The following SEMA6D variants were observed in gnomAD, a reference collection of about 807,000 sequenced individuals.
The protein encoded by SEMA6D is semaphorin 6D.
In SEMA6D, 35 loss-of-function variants were observed where a neutral mutation model predicts 106.6. The observed-to-expected ratio is 0.33, with a 90% confidence interval of 0.25 to 0.44. SEMA6D has a LOEUF of 0.44. SEMA6D is among the 20% of genes least tolerant of loss of function. SEMA6D has a pLI of 1.00. For missense variants in SEMA6D, 1,185 were observed against 1,345.9 expected (o/e 0.88, Z 1.87); for synonymous variants, 499 against 487.7 (o/e 1.02, Z -0.31).
At chr15:47,404,532 G>A (rs1221304091) in intron 1 of SEMA6D, among the ~76,000 whole-genome samples, 1 of 152,098 alleles carries the variant, frequency 6.6e-6, no homozygotes, top group Non-Finnish European at 1.5e-5. Flanking sequence ...CTCTCTCTAA[G>A]ACCTTTAATG....
chr15:47,377,922 G>A (rs1031729655), intron 1 of SEMA6D, among the ~76,000 whole-genome samples: 2 of 152,092 alleles, frequency 1.3e-5, no homozygotes, highest in African/African-American at 4.8e-5. Flanking sequence ...ACTCCTCCAT[G>A]TTTATATTAA....
intron 1 of SEMA6D, among the ~76,000 whole-genome samples, chr15:47,227,425 CTTTCTTTCTTTCT>C (rs1336742649): frequency 1.0e-4 from 11 of 105,188 alleles, no homozygotes; most frequent in African/African-American, 4.4e-4. Context: ...CTTTCTCTTT[CTTTCTTTCTTTCT>C]TTTCTTTCTT....
At chr15:47,370,434 G>A (rs1333307568) in intron 1 of SEMA6D, among the ~76,000 whole-genome samples, 1 of 152,084 alleles carries the variant, frequency 6.6e-6, no homozygotes, top group African/African-American at 2.4e-5. Flanking sequence ...AGGATGGCTT[G>A]AGCGTGGGAG....
intron 1 of SEMA6D, among the ~76,000 whole-genome samples, chr15:47,389,211 C>T (rs1035935416): frequency 6.6e-6 from 1 of 152,134 alleles, no homozygotes; most frequent in African/African-American, 2.4e-5. Context: ...CTTTATAGAA[C>T]TGTTGTGAGA....
In SEMA6D at chr15:47,201,701, C is replaced by T. The variant is rs112275874; in HGVS notation, c.-239+17283C>T. Among the ~76,000 whole-genome samples, 137 of 152,248 alleles carry T rather than the reference C, an allele frequency of 9.0e-4. 1 individual carries two copies. Among genetic ancestry groups the T allele is most frequent in the African/African-American group, 3.1e-3 (127 of 41,546 alleles). On this transcript the variant is annotated intron_variant, in intron 1 of 19. Transcript: ENST00000558014. ...TTTAACCATACCTTTTACTTAATTCCAGAAACTGGCCTTAAGAGATCCAAA... is the reference window on the plus strand; with the variant it reads ...TTTAACCATACCTTTTACTTAATTCTAGAAACTGGCCTTAAGAGATCCAAA...
intron 4 of SEMA6D, among the ~76,000 whole-genome samples, chr15:47,645,072 G>T (rs551525320): frequency 1.3e-5 from 2 of 152,292 alleles, no homozygotes; most frequent in East Asian, 3.9e-4. Context: ...ACATCAGCCT[G>T]TCCAGGAAAG....
chr15:47,668,735 C>G (rs1308542083), intron 4 of SEMA6D, among the ~76,000 whole-genome samples: 2 of 152,140 alleles, frequency 1.3e-5, no homozygotes, highest in African/African-American at 4.8e-5. Flanking sequence ...TCTCCCCATC[C>G]TCCCCCTTGT....
intron 1 of SEMA6D, among the ~76,000 whole-genome samples, chr15:47,220,991 A>G (rs1453339509): frequency 1.3e-5 from 2 of 152,174 alleles, no homozygotes; most frequent in Non-Finnish European, 2.9e-5. Context: ...CCTGCCCTAA[A>G]AAGCCATAGC....
At chr15:47,417,875 G>A (rs2041026858) in intron 2 of SEMA6D, among the ~76,000 whole-genome samples, 1 of 151,410 alleles carries the variant, frequency 6.6e-6, no homozygotes, top group Non-Finnish European at 1.5e-5. Flanking sequence ...TCACCATGTA[G>A]GTATTGCTAG....
intron 3 of SEMA6D, among the ~76,000 whole-genome samples, chr15:47,575,702 G>A (rs1201483527): frequency 6.6e-6 from 1 of 151,662 alleles, no homozygotes; most frequent in Non-Finnish European, 1.5e-5. Context: ...CTGGGTAACA[G>A]AGCAAGACTC....
In SEMA6D at chr15:47,227,882, C is replaced by CATATATATTTTATATATATAAGATTCTT. The variant is rs1566938289; in HGVS notation, c.-239+43487_-239+43488insTTCTTATATATATTTTATATATATAAGA. ...TTATATATTTTATATATATAAGAAT[C>CATATATATTTTATATATATAAGATTCTT]ATATATATTTTATATATATAAGAAT... is the stretch of plus-strand genomic sequence containing the variant. On this transcript the variant is annotated intron_variant, in intron 1 of 19. Transcript: ENST00000558014. Among the ~76,000 whole-genome samples the CATATATATTTTATATATATAAGATTCTT allele has an allele frequency of 5.2e-4, 52 of 100,172 alleles. 1 individual carries two copies. Among genetic ancestry groups the CATATATATTTTATATATATAAGATTCTT allele is most frequent in the African/African-American group, 7.3e-4 (16 of 21,834 alleles). 65.7% of individuals were successfully genotyped at this position (100,172 alleles called of 152,430 possible). A position where few individuals can be genotyped will look rare whatever the true frequency, so the allele number is the denominator to read the frequency against.
chr15:47,595,409 TCC>T (rs2076515376), intron 3 of SEMA6D, among the ~76,000 whole-genome samples: 1 of 152,216 alleles, frequency 6.6e-6, no homozygotes, highest in Non-Finnish European at 1.5e-5. Context: ...CATCGTTGCA[TCC>T]CTGGGATAAA....
intron 1 of SEMA6D, among the ~76,000 whole-genome samples, chr15:47,402,798 C>G (rs2040440047): frequency 6.8e-6 from 1 of 147,006 alleles, no homozygotes; most frequent in African/African-American, 2.5e-5. Context: ...TAGGACTTAC[C>G]ATAGCATTTG....
intron 1 of SEMA6D, among the ~76,000 whole-genome samples, chr15:47,321,535 GTCA>G (rs34330545): frequency 0.46 from 69,147 of 151,520 alleles, 19,010 homozygotes; most frequent in South Asian, 0.61. Flanking sequence ...TACGTTTTTT[GTCA>G]TCATTTTAAT....
At chr15:47,407,368 CAAAA>C (rs779136178) in intron 1 of SEMA6D, among the ~76,000 whole-genome samples, 1 of 47,872 alleles carries the variant, frequency 2.1e-5, no homozygotes, top group Non-Finnish European at 3.6e-5. Flanking sequence ...GACTCTATCT[CAAAA>C]AAAAAAAAAA....
At chr15:47,642,440 G>GCACA (rs139789990) in intron 4 of SEMA6D, among the ~76,000 whole-genome samples, 4 of 151,080 alleles carry the variant, frequency 2.6e-5, no homozygotes, top group African/African-American at 9.7e-5. Flanking sequence ...AGAAACAGAT[G>GCACA]CACACACACA....
Position 47,763,430 on chromosome 15 carries a change from C to T in SEMA6D, c.747+326C>T, listed in dbSNP as rs190938665. Among the ~76,000 whole-genome samples, 301 of 152,196 alleles carry T rather than the reference C, an allele frequency of 2.0e-3. 3 individuals are homozygous for T. Among genetic ancestry groups the T allele is most frequent in the African/African-American group, 7.0e-3 (289 of 41,534 alleles). On this transcript the variant is annotated intron_variant, in intron 9 of 18. Transcript: ENST00000536845. The stretch of plus-strand genomic sequence containing the variant: ...CCACTGATAGTCTATTCTTTCTCAG[C>T]GTCAAAAGACAGGATAGAAAGTAGC...
intron 3 of SEMA6D, among the ~76,000 whole-genome samples, chr15:47,565,521 C>T (rs1448311985): frequency 6.6e-6 from 1 of 152,370 alleles, no homozygotes; most frequent in South Asian, 2.1e-4. Context: ...AAATATCCTT[C>T]TTCAATACTA....
chr15:47,402,578 TTC>T (rs1263073400), intron 1 of SEMA6D, among the ~76,000 whole-genome samples: 12 of 152,188 alleles, frequency 7.9e-5, no homozygotes, highest in Non-Finnish European at 1.5e-5. Flanking sequence ...CGCTTTCAGG[TTC>T]TCTGCACAGC....
Sources: gnomAD v4.1 joint callset for allele counts (sites outside exome capture counted in the v4.1 genomes callset) on GRCh38, gnomAD v4.1.1 for gene constraint, MANE v1.5 for transcripts, NCBI Gene and HGNC (gene_info 2026-07-23, HGNC 2026-07-21) for gene names.